Variants in SPEG observed in about 807,000 individuals in gnomAD.
The protein encoded by SPEG is striated muscle enriched protein kinase, also known as striated muscle preferentially expressed protein kinase.
SPEG carries 114 observed loss-of-function variants against 300.4 expected under a neutral mutation model. That is an observed-to-expected ratio of 0.38 (90% confidence interval 0.33 to 0.44). SPEG has a LOEUF of 0.44. SPEG is among the 20% of genes least tolerant of loss of function. The pLI is 1.00. For synonymous variants in SPEG, 1,964 were observed against 2,018.9 expected, an observed-to-expected ratio of 0.97 and a Z score of 0.73; for missense variants, 4,201 against 4,586.2, an observed-to-expected ratio of 0.92 and a Z score of 2.43.
rs781389363 is a variant in SPEG at position 219,483,701 on chromosome 2, G to A, written c.6238G>A (p.Glu2080Lys). ...LRQRLLRGGPEDGKVSGLRGP... is the reference protein window; with the variant it reads ...LRQRLLRGGPKDGKVSGLRGP... ...CCAGCGGCTGCTGCGGGGAGGCCCC[G>A]AGGATGGCAAGGTCAGCGGCCTCAG... Residue 2080 changes from glutamate to lysine, a missense_variant, in exon 30 of 41, where the codon GAG (glutamate) becomes AAG (lysine). Around this residue, in one of 4 missense-constraint regions of SPEG, gnomAD observed 1,578 missense variants for 1,506.0 expected, o/e 1.05. Transcript: ENST00000312358. 6.5e-7 allele frequency: 1 copy of A among 1,534,116 alleles called. No homozygotes were observed. The highest frequency in any genetic ancestry group is 1.2e-5 in the South Asian group (1 of 84,116).
At chr2:219,438,655 A>G (rs1404501534) in intron 1 of SPEG, among the ~76,000 whole-genome samples, 1 of 152,232 alleles carries the variant, frequency 6.6e-6, no homozygotes, top group African/African-American at 2.4e-5. Flanking sequence ...ACCTGCACTA[A>G]AGGGCAGAGG....
chr2:219,451,523 G>C lies in SPEG; in HGVS notation c.2258-102G>C. On this transcript the variant is annotated intron_variant, in intron 5 of 40. Transcript: ENST00000312358. The surrounding 1 kb of genome is among the most constrained non-coding windows in gnomAD (Gnocchi z 6.4). ...TCTTCCAGATTCCCTGGGGTGCTGA[G>C]AGGAGAGGTTTGGTCTCCTGTGTGG... 7.9e-7 allele frequency: 1 copy of C among 1,261,472 alleles called. No individual in the cohort carries two copies. Among genetic ancestry groups the C allele is most frequent in the Non-Finnish European group, 1.1e-6 (1 of 946,136 alleles). 78.1% of individuals were successfully genotyped at this position (1,261,472 alleles called of 1,614,324 possible).
chr2:219,448,477 A>G lies in SPEG; in HGVS notation c.1319A>G (p.Lys440Arg). 1 of 1,475,396 alleles carries G rather than the reference A, an allele frequency of 6.8e-7. No homozygotes were observed. The highest frequency in any genetic ancestry group is 1.5e-5 in the African/African-American group (1 of 67,790). The allele number at this position is 1,475,396 out of a possible 1,614,324, so 91.4% of individuals were successfully genotyped here. ...LRKARSLEQP[K>R]SERGAPWGTP... ...AAGGCCCGCTCTCTGGAGCAGCCCA[A>G]GTCGGAGCGCGGCGCACCGTGGGGC... The change falls in exon 4 of 41, where the codon AAG (lysine) becomes AGG (arginine). Residue 440 changes from lysine (K) to arginine (R), a missense_variant. Physicochemically the swap from Lys to Arg is conservative, Grantham distance 26. Transcript: ENST00000312358.
Position 219,448,507 on chromosome 2 carries a change from C to T in SPEG, c.1349C>T (p.Pro450Leu). 6.9e-7 allele frequency: 1 copy of T among 1,452,508 alleles called. No individual in the cohort carries two copies. The highest frequency in any genetic ancestry group is 9.0e-7 in the Non-Finnish European group (1 of 1,111,572). 90.0% of individuals were successfully genotyped at this position (1,452,508 alleles called of 1,614,324 possible). A position where few individuals can be genotyped will look rare whatever the true frequency, so the allele number is the denominator to read the frequency against. The part of the protein sequence containing the change: ...KSERGAPWGT[P>L]GASQEELRAP... The stretch of plus-strand genomic sequence containing the variant: ...GAGCGCGGCGCACCGTGGGGCACCC[C>T]CGGGGCCTCGCAGGAAGAACTGCGG... Residue 450 changes from proline (P) to leucine (L), a missense_variant, in exon 4 of 41, where the codon CCC becomes CTC. Pro to Leu is a moderately conservative substitution (Grantham distance 98, BLOSUM62 -3). Transcript: ENST00000312358.
rs773602241 is a variant in SPEG at position 219,473,776 on chromosome 2, C to T, written c.4320C>T (p.Ser1440=). 3.1e-6 allele frequency: 5 copies of T among 1,614,078 alleles called. No individual in the cohort carries two copies. The highest frequency in any genetic ancestry group is 1.7e-5 in the Admixed American group (1 of 60,030). Residue 1440 remains serine, a synonymous_variant, in exon 18 of 41, where the codon AGC becomes AGT. Coordinates refer to ENST00000312358, the MANE Select transcript of SPEG (RefSeq NM_005876.5). The surrounding 1 kb of genome is among the most constrained non-coding windows in gnomAD (Gnocchi z 4.6). ...LEARAGVYEL[S]QPDDDQYCLR... The stretch of plus-strand genomic sequence containing the variant: ...CACGGGCCGGTGTGTACGAGCTGAG[C>T]CAGCCAGATGATGACCAGTACTGTC...
chr2:219,454,199 A>G (rs1689995569), intron 6 of SPEG, among the ~76,000 whole-genome samples: 1 of 152,206 alleles, frequency 6.6e-6, no homozygotes, highest in African/African-American at 2.4e-5. Context: ...GTTGGGAGCC[A>G]TGGTAACCAG....
intron 6 of SPEG, among the ~76,000 whole-genome samples, chr2:219,456,448 C>G (rs1460849743): frequency 6.6e-6 from 1 of 152,238 alleles, no homozygotes; most frequent in Non-Finnish European, 1.5e-5. Context: ...AGCCCTTCCT[C>G]TACCCTCCTG....
rs758014696 is a variant in SPEG at position 219,490,450 on chromosome 2, C to T, written c.8963C>T (p.Thr2988Met). 6 of 1,612,888 alleles carry T rather than the reference C, an allele frequency of 3.7e-6. No individual in the cohort carries two copies. The highest frequency in any genetic ancestry group is 2.7e-5 in the African/African-American group (2 of 74,926). Residue 2988 changes from threonine (T) to methionine (M), a missense_variant, in exon 37 of 41, where the codon ACG becomes ATG. Transcript: ENST00000312358. ...GTGCGAGCGTGCCGGGAGAATGCCA[C>T]GGGGCGAACGTTCGTGGCCAAGATC... ...GVVRACRENA[T>M]GRTFVAKIVP...
chr2:219,477,614 C>T lies in SPEG; in HGVS notation c.4730-75C>T, dbSNP rs894700485. Reference sequence around the variant, plus strand: ...CTTGCACCTCTTCTCTCTTCTTCTTCTGTCCACCTGTCCCAGTCTCTGGCC... The same window carrying T: ...CTTGCACCTCTTCTCTCTTCTTCTTTTGTCCACCTGTCCCAGTCTCTGGCC... On this transcript the variant is annotated intron_variant, in intron 20 of 40. Coordinates refer to ENST00000312358, the MANE Select transcript of SPEG (RefSeq NM_005876.5). The surrounding 1 kb of genome is among the most constrained non-coding windows in gnomAD (Gnocchi z 6.4). 5 of 1,407,172 alleles carry T rather than the reference C, an allele frequency of 3.6e-6. No individual in the cohort carries two copies. The African/African-American group carries it at 7.2e-5, about 20-fold the overall frequency. 87.2% of individuals were successfully genotyped at this position (1,407,172 alleles called of 1,614,324 possible).
chr2:219,477,185 AGAGATGCGCTGCC>A lies in SPEG; in HGVS notation c.4561-91_4561-79del. On this transcript the variant is annotated intron_variant, in intron 19 of 40. Coordinates refer to ENST00000312358, the MANE Select transcript of SPEG (RefSeq NM_005876.5). The surrounding 1 kb of genome is among the most constrained non-coding windows in gnomAD (Gnocchi z 6.4). ...GAGGAGCTGACTCTGGGTCCTGGTG[AGAGATGCGCTGCC>A]CAGAGTAGGAGATGAGGCCCTGGCC... 7.1e-7 allele frequency: 1 copy of A among 1,405,286 alleles called. No homozygotes were observed. Among genetic ancestry groups the A allele is most frequent in the Non-Finnish European group, 9.6e-7 (1 of 1,041,742 alleles). The allele number at this position is 1,405,286 out of a possible 1,614,324, so 87.1% of individuals were successfully genotyped here.
chr2:219,493,607 G>T lies in SPEG; in HGVS notation c.*821G>T. 1 of 463,332 alleles carries T rather than the reference G, an allele frequency of 2.2e-6. No homozygotes were observed. The highest frequency in any genetic ancestry group is 2.3e-5 in the Admixed American group (1 of 43,930). The allele number at this position is 463,332 out of a possible 1,614,324, so 28.7% of individuals were successfully genotyped here. A position where few individuals can be genotyped will look rare whatever the true frequency, so the allele number is the denominator to read the frequency against. Reference sequence around the variant, plus strand: ...CCAGCTGTCTGTCTGTCTGCCACAAGGAAATAAAAATGGCAAGCAGCATAA... The same window carrying T: ...CCAGCTGTCTGTCTGTCTGCCACAATGAAATAAAAATGGCAAGCAGCATAA... On this transcript the variant is annotated 3_prime_UTR_variant, in exon 41 of 41. Coordinates refer to ENST00000312358, the MANE Select transcript of SPEG (RefSeq NM_005876.5).
In SPEG at chr2:219,489,633, C is replaced by T. The variant is rs764950363; in HGVS notation, c.8615C>T (p.Pro2872Leu). Reference sequence around the variant, plus strand: ...AGTACCCACGTCACCCCAAGTGAGCCCAAGCCTTTCGTCCTTGACACTGGG... The same window carrying T: ...AGTACCCACGTCACCCCAAGTGAGCTCAAGCCTTTCGTCCTTGACACTGGG... ...LPSTHVTPSE[P>L]KPFVLDTGTP... is the part of the protein sequence containing the mutation. Residue 2872 changes from proline to leucine, a missense_variant, in exon 36 of 41, where the codon CCC becomes CTC. This residue lies in a region of SPEG where 1,578 missense variants were observed against 1,506.0 expected (regional missense o/e 1.05). Coordinates refer to ENST00000312358, the MANE Select transcript of SPEG (RefSeq NM_005876.5). 1 of 1,613,868 alleles carries T rather than the reference C, an allele frequency of 6.2e-7. No individual in the cohort carries two copies.
rs576262325 is a variant in SPEG, at chr2:219,480,022, T to C, written c.5224T>C (p.Phe1742Leu). Residue 1742 changes from phenylalanine (F) to leucine (L), a missense_variant, in exon 25 of 41, where the codon TTT becomes CTT. By Grantham distance (22) the Phe-to-Leu change is conservative. Transcript: ENST00000312358. This position sits in a 1 kb window ranked among gnomAD's most constrained non-coding sequence, Gnocchi z 5.3. ...CGAGCAGCAGGTGCGGATCTGTGAC[T>C]TTGGGAATGCCCAGGAGCTGACTCC... ...AGEQQVRICDFGNAQELTPGE... is the reference protein window; with the variant it reads ...AGEQQVRICDLGNAQELTPGE... The C allele has an allele frequency of 2.7e-5, 43 of 1,614,020 alleles. No homozygotes were observed. In the South Asian group the frequency reaches 4.5e-4, roughly 17 times the overall value.
At position 219,444,777 on chromosome 2, in the gene SPEG, G is replaced by A. The variant is rs764885897; in HGVS notation, c.478+35G>A. 37 of 1,612,496 alleles carry A rather than the reference G, an allele frequency of 2.3e-5. No individual in the cohort carries two copies. In the South Asian group the frequency reaches 3.3e-4, roughly 14 times the overall value. Reference sequence around the variant, plus strand: ...TGGGGTGTACAAAGAGCAGGCAGGCGGGTTTTCCATAAGGGGTGCCTCAGT... The same window carrying A: ...TGGGGTGTACAAAGAGCAGGCAGGCAGGTTTTCCATAAGGGGTGCCTCAGT... On this transcript the variant is annotated intron_variant, in intron 2 of 40. Coordinates refer to ENST00000312358, the MANE Select transcript of SPEG (RefSeq NM_005876.5). The surrounding 1 kb of genome is among the most constrained non-coding windows in gnomAD (Gnocchi z 7.8).
At chr2:219,468,164 G>A (rs1309467081) in intron 10 of SPEG, among the ~76,000 whole-genome samples, 2 of 152,228 alleles carry the variant, frequency 1.3e-5, no homozygotes, top group African/African-American at 4.8e-5. Context: ...TCTGGGTCTG[G>A]GGAAGGTGGC....
In SPEG at chr2:219,443,926, G is replaced by A. The variant is rs1468352454; in HGVS notation, c.389-727G>A. The A allele has an allele frequency of 1.1e-6, 1 of 927,464 alleles. No homozygotes were observed. The highest frequency in any genetic ancestry group is 1.6e-6 in the Non-Finnish European group (1 of 642,158). 57.5% of individuals were successfully genotyped at this position (927,464 alleles called of 1,614,324 possible). A position where few individuals can be genotyped will look rare whatever the true frequency, so the allele number is the denominator to read the frequency against. On this transcript the variant is annotated intron_variant, in intron 1 of 40. Transcript: ENST00000312358. The surrounding 1 kb of genome is among the most constrained non-coding windows in gnomAD (Gnocchi z 4.6). ...CACAGGACACCTCTGGGGACTGGGT[G>A]CCTCACGCCCCTTCTGTCTTGACTG...
At chr2:219,456,346 G>C (rs1690179112) in intron 6 of SPEG, among the ~76,000 whole-genome samples, 1 of 152,230 alleles carries the variant, frequency 6.6e-6, no homozygotes, top group Non-Finnish European at 1.5e-5. Flanking sequence ...TGCCGTTGGG[G>C]AGGATGCCAC....
chr2:219,473,476 C>A lies in SPEG; in HGVS notation c.4148-28C>A. ...GCTGAGGACCTGATGTCAAGCCCAG[C>A]ACAGAGCCTGCGCTCTCCTCCTCCC... is the stretch of plus-strand genomic sequence containing the variant. On this transcript the variant is annotated intron_variant, in intron 16 of 40. Transcript: ENST00000312358. The surrounding 1 kb of genome is among the most constrained non-coding windows in gnomAD (Gnocchi z 4.6). The A allele has an allele frequency of 6.2e-7, 1 of 1,611,332 alleles. No homozygotes were observed. The highest frequency in any genetic ancestry group is 8.5e-7 in the Non-Finnish European group (1 of 1,178,430).
chr2:219,489,263 G>C, intron 35 of SPEG, 42 bp downstream of exon 35: 1 of 1,613,190 alleles, frequency 6.2e-7, no homozygotes, highest in Non-Finnish European at 8.5e-7. Context: ...AGGGGGCTCT[G>C]AGCCTAGGGT....
Sources: allele counts gnomAD v4.1 joint callset (sites outside exome capture counted in the v4.1 genomes callset), GRCh38; gene constraint gnomAD v4.1.1; regional missense constraint gnomAD v4.1.1; non-coding constraint Gnocchi (gnomAD v3.1); transcripts MANE v1.5; gene names NCBI Gene and HGNC (gene_info 2026-07-23, HGNC 2026-07-21).